DTD1: variants seen among roughly 807,000 people sequenced by gnomAD.
The protein encoded by DTD1 is D-tyrosyl-tRNA deacylase 1 homolog.
DTD1 carries 13 observed loss-of-function variants against 25.6 expected under a neutral mutation model. The observed-to-expected ratio is 0.51, with a 90% CI of 0.33 to 0.81. The LOEUF (loss-of-function observed/expected upper bound fraction) is 0.81, where lower values mean the gene tolerates loss of function less well. DTD1 is among the 30% of genes least tolerant of loss of function. The probability of loss-of-function intolerance (pLI) is 0.02; values close to 1 mark genes in which losing one functional copy is unlikely to be tolerated. For missense variants in DTD1, 193 were observed against 266.4 expected (o/e 0.72, Z 1.92); for synonymous variants, 110 against 103.6 (o/e 1.06, Z -0.37).
chr20:18,694,372 G>A (rs773583300), intron 4 of DTD1, among the ~76,000 whole-genome samples: 3 of 152,104 alleles, frequency 2.0e-5, no homozygotes, highest in Non-Finnish European at 4.4e-5. Context: ...GGTAAATTGA[G>A]CCCACCCGTG....
chr20:18,619,511 G>A (rs2060724389), intron 3 of DTD1, among the ~76,000 whole-genome samples: 2 of 151,846 alleles, frequency 1.3e-5, no homozygotes, highest in African/African-American at 4.8e-5. Flanking sequence ...TGCAACCTCC[G>A]CCTCCTGGGT....
intron 3 of DTD1, among the ~76,000 whole-genome samples, chr20:18,618,988 C>T (rs2060721855): frequency 6.6e-6 from 1 of 152,148 alleles, no homozygotes; most frequent in South Asian, 2.1e-4. Context: ...GCTGGGATCA[C>T]AGGCGTGAGT....
chr20:18,630,892 G>A (rs568244661), intron 4 of DTD1: 14 of 184,568 alleles, frequency 7.6e-5, no homozygotes, highest in African/African-American at 2.1e-4. Flanking sequence ...ATGTTGACAG[G>A]AATAGGAAAT....
At chr20:18,713,217 G>A (rs115016048) in intron 4 of DTD1, among the ~76,000 whole-genome samples, 2,090 of 152,368 alleles carry the variant, frequency 0.014, 33 homozygotes, top group African/African-American at 0.02. Context: ...TGTCTAGTGT[G>A]TGTCCTCCTG....
chr20:18,591,610 ACTTAC>A (rs1418414328), intron 1 of DTD1, among the ~76,000 whole-genome samples: 1 of 152,188 alleles, frequency 6.6e-6, no homozygotes, highest in Non-Finnish European at 1.5e-5. Context: ...ATATTAAAGT[ACTTAC>A]CTTTGTTCTT....
intron 4 of DTD1, among the ~76,000 whole-genome samples, chr20:18,722,265 C>T (rs1323071393): frequency 6.6e-6 from 1 of 152,210 alleles, no homozygotes; most frequent in Non-Finnish European, 1.5e-5. Flanking sequence ...GGAGTTGGGC[C>T]CTGCCCATCT....
intron 3 of DTD1, among the ~76,000 whole-genome samples, chr20:18,609,956 T>C (rs2060680007): frequency 6.6e-6 from 1 of 152,208 alleles, no homozygotes; most frequent in Non-Finnish European, 1.5e-5. Context: ...ATCCTCTGAG[T>C]AATTATTTTT....
chr20:18,625,373 C>T (rs1279183964), intron 3 of DTD1, among the ~76,000 whole-genome samples: 5 of 152,248 alleles, frequency 3.3e-5, no homozygotes, highest in East Asian at 1.9e-4. Flanking sequence ...CTGGTCTCTG[C>T]CTAAGGCCCC....
rs564842457 is a variant in DTD1 at position 18,669,758 on chromosome 20, T to C, written c.477+41525T>C. Reference sequence around the variant, plus strand: ...CTCCAAACTGGGTTATTCCAATCGCTCCCGGGGGGGTCTGCATGCCAAGGG... The same window carrying C: ...CTCCAAACTGGGTTATTCCAATCGCCCCCGGGGGGGTCTGCATGCCAAGGG... On this transcript the variant is annotated intron_variant, in intron 4 of 5. Coordinates refer to ENST00000377452, the MANE Select transcript of DTD1 (RefSeq NM_080820.6). 2.6e-5 allele frequency among the ~76,000 whole-genome samples: 4 copies of C among 152,276 alleles called. No individual in the cohort carries two copies. In the South Asian group the frequency reaches 8.3e-4, roughly 32 times the overall value.
At chr20:18,599,244 G>A (rs904776423) in intron 3 of DTD1, among the ~76,000 whole-genome samples, 4 of 151,486 alleles carry the variant, frequency 2.6e-5, no homozygotes, top group Non-Finnish European at 1.5e-5. Flanking sequence ...GTGTGATCTC[G>A]GCTCACTGCA....
chr20:18,748,735 C>T (rs4814786), intron 5 of DTD1, among the ~76,000 whole-genome samples: 6,875 of 152,234 alleles, frequency 0.045, 346 homozygotes, highest in African/African-American at 0.12. Flanking sequence ...CTCATGGACT[C>T]GTAGGTATCT....
At chr20:18,705,923 C>G (rs1163853998) in intron 4 of DTD1, among the ~76,000 whole-genome samples, 1 of 152,216 alleles carries the variant, frequency 6.6e-6, no homozygotes, top group Non-Finnish European at 1.5e-5. Flanking sequence ...TCCATTTTCT[C>G]TTTGGCTGTC....
rs1245087776 is a variant in DTD1 at position 18,703,342 on chromosome 20, A to T, written c.478-40758A>T. On this transcript the variant is annotated intron_variant, in intron 4 of 5. Coordinates refer to ENST00000377452, the MANE Select transcript of DTD1 (RefSeq NM_080820.6). ...GACCTGTCTTGATCTTGGTGTCCTC[A>T]AACTTCATGAAGATGTGTCCCATTT... Among the ~76,000 whole-genome samples, 3 of 152,008 alleles carry T rather than the reference A, an allele frequency of 2.0e-5. No individual in the cohort carries two copies. The South Asian group carries it at 6.2e-4, about 32-fold the overall frequency.
intron 3 of DTD1, among the ~76,000 whole-genome samples, chr20:18,598,479 T>A (rs1225547253): frequency 6.6e-6 from 1 of 152,072 alleles, no homozygotes; most frequent in East Asian, 1.9e-4. Context: ...TTATAGTCCT[T>A]TGGGTGTATA....
At chr20:18,633,295 G>T (rs189485294) in intron 4 of DTD1, among the ~76,000 whole-genome samples, 1 of 152,248 alleles carries the variant, frequency 6.6e-6, no homozygotes, top group Non-Finnish European at 1.5e-5. Flanking sequence ...TGAGAAGAGG[G>T]TCAAGCTCTT....
chr20:18,683,601 G>A (rs2061005460), intron 4 of DTD1, among the ~76,000 whole-genome samples: 1 of 152,180 alleles, frequency 6.6e-6, no homozygotes, highest in Admixed American at 6.5e-5. Context: ...GCAGGTTGAA[G>A]ACACTTCCAA....
At chr20:18,670,960 G>T (rs1311322446) in intron 4 of DTD1, among the ~76,000 whole-genome samples, 1 of 152,170 alleles carries the variant, frequency 6.6e-6, no homozygotes, top group African/African-American at 2.4e-5. Flanking sequence ...CAGATTCTTG[G>T]GTGTGCTGGC....
chr20:18,724,038 C>T (rs568109242), intron 4 of DTD1, among the ~76,000 whole-genome samples: 41 of 152,262 alleles, frequency 2.7e-4, no homozygotes, highest in African/African-American at 8.2e-4. Context: ...TGATCAAAGG[C>T]GGAAAAGGGA....
At chr20:18,707,118 A>G (rs1168781745) in intron 4 of DTD1, among the ~76,000 whole-genome samples, 2 of 152,172 alleles carry the variant, frequency 1.3e-5, no homozygotes, top group African/African-American at 4.8e-5. Flanking sequence ...CATCACCTGT[A>G]AGCAGTTAAC....
Sources: gnomAD v4.1 joint callset for allele counts (sites outside exome capture counted in the v4.1 genomes callset) on GRCh38, gnomAD v4.1.1 for gene constraint, MANE v1.5 for transcripts, NCBI Gene and HGNC (gene_info 2026-07-23, HGNC 2026-07-21) for gene names.